SEC14L3: variants seen among roughly 807,000 people sequenced by gnomAD.
SEC14L3 encodes SEC14-like protein 3.
In SEC14L3, 56 loss-of-function variants were observed where a neutral mutation model predicts 57.4. The ratio of observed to expected loss-of-function variants is 0.97; its 90% CI spans 0.79 to 1.22. The LOEUF is 1.22. SEC14L3 is among the 50% of genes most tolerant of loss of function. SEC14L3 has a pLI of 0.00. For missense variants in SEC14L3, 485 were observed against 511.7 expected, an observed-to-expected ratio of 0.95 and a Z score of 0.50; for synonymous variants, 173 against 194.4, an observed-to-expected ratio of 0.89 and a Z score of 0.92.
At chr22:30,454,749 T>TATATATA (rs551460542), downstream of SEC14L3, among the ~76,000 whole-genome samples, 2 of 84,400 alleles carry the variant, frequency 2.4e-5, no homozygotes, top group South Asian at 3.6e-4. Flanking sequence ...ATAATATTAT[T>TATATATA]ATATATAATA....
In SEC14L3 at chr22:30,459,723, A is replaced by C; in HGVS notation, c.*298T>G. ...CAAGCATACACACCTGCCTTAGGGT[A>C]GGTGAGGACAAAGGCTAGGGGATTC... is the stretch of plus-strand genomic sequence containing the variant. On this transcript the variant is annotated 3_prime_UTR_variant, in exon 12 of 12. Transcript: ENST00000215812. 9.3e-7 allele frequency: 1 copy of C among 1,071,872 alleles called. No individual in the cohort carries two copies. 66.4% of individuals were successfully genotyped at this position (1,071,872 alleles called of 1,614,324 possible). A position where few individuals can be genotyped will look rare whatever the true frequency, so the allele number is the denominator to read the frequency against.
exon 13 of SEC14L3, chr22:30,449,204 G>A (rs956464410): frequency 1.2e-5 from 19 of 1,550,316 alleles, no homozygotes; most frequent in Non-Finnish European, 1.6e-5. Context: ...ATATAATCAC[G>A]GGCAGATGAC....
At chr22:30,461,976 ACCCAGTTC>A in intron 9 of SEC14L3, 102 bp downstream of exon 9, 1 of 1,210,480 alleles carries the variant, frequency 8.3e-7, no homozygotes, top group South Asian at 1.3e-5. Flanking sequence ...CTAGCTTAAC[ACCCAGTTC>A]TTGGCATCTC....
chr22:30,460,646 C>A (rs1272788562), intron 11 of SEC14L3, among the ~76,000 whole-genome samples: 1 of 150,988 alleles, frequency 6.6e-6, no homozygotes, highest in African/African-American at 2.4e-5. Context: ...GCAGCCTGAC[C>A]AACATGGAGA....
chr22:30,468,052 G>A (rs371285677), intron 5 of SEC14L3, among the ~76,000 whole-genome samples: 13 of 152,116 alleles, frequency 8.5e-5, no homozygotes, highest in Admixed American at 2.6e-4. Flanking sequence ...AGGCTGAGGC[G>A]GGTGGATCAC....
chr22:30,458,050 T>A (rs1288970078), downstream of SEC14L3, among the ~76,000 whole-genome samples: 1 of 152,228 alleles, frequency 6.6e-6, no homozygotes, highest in African/African-American at 2.4e-5. Context: ...CCTCATAGCC[T>A]GCCCACGGAT....
chr22:30,457,845 G>T (rs1036428648), downstream of SEC14L3, among the ~76,000 whole-genome samples: 1 of 152,146 alleles, frequency 6.6e-6, no homozygotes, highest in Non-Finnish European at 1.5e-5. Context: ...AGTGGTGGGG[G>T]TGAAGAGGTG....
rs771046592 is a variant in SEC14L3 at position 30,467,083 on chromosome 22, AG to A, written c.424-7del. The A allele has an allele frequency of 3.1e-6, 5 of 1,614,038 alleles. No homozygotes were observed. The highest frequency in any genetic ancestry group is 4.2e-6 in the Non-Finnish European group (5 of 1,179,918). On this transcript the variant is annotated splice_polypyrimidine_tract_variant and splice_region_variant and intron_variant, in intron 5 of 11. Transcript: ENST00000215812. ...GTCTCAATCTTCTTCCCTAGCTGCA[AG>A]GATGAGAGCAAGAAGTAGTTCTGGA...
chr22:30,459,361 A>G lies in SEC14L3; in HGVS notation c.*660T>C. On this transcript the variant is annotated 3_prime_UTR_variant, in exon 12 of 12. Coordinates refer to ENST00000215812, the MANE Select transcript of SEC14L3 (RefSeq NM_174975.5). Reference sequence around the variant, plus strand: ...GAAGCTGAGCGTGCAAGTCAGACAAAGCCTGATGTAGGCAGCTCCTATCAG... The same window carrying G: ...GAAGCTGAGCGTGCAAGTCAGACAAGGCCTGATGTAGGCAGCTCCTATCAG... 1 of 985,460 alleles carries G rather than the reference A, an allele frequency of 1.0e-6. No homozygotes were observed. Among genetic ancestry groups the G allele is most frequent in the Non-Finnish European group, 1.2e-6 (1 of 829,936 alleles). The allele number at this position is 985,460 out of a possible 1,614,324, so 61.0% of individuals were successfully genotyped here.
At position 30,460,853 on chromosome 22, in the gene SEC14L3, A is replaced by G. The variant is rs540367562; in HGVS notation, c.1081+457T>C. ...CAAAAAAAAAAAAAAAAAAAAAAAG[A>G]GAAAAAACAGGCATTGTAACTCCTG... On this transcript the variant is annotated intron_variant, in intron 11 of 11. Coordinates refer to ENST00000215812, the MANE Select transcript of SEC14L3 (RefSeq NM_174975.5). Among the ~76,000 whole-genome samples the G allele has an allele frequency of 2.2e-3, 320 of 147,858 alleles. 1 individual carries two copies. Among genetic ancestry groups the G allele is most frequent in the South Asian group, 4.3e-3 (20 of 4,662 alleles).
Position 30,466,188 on chromosome 22 carries a change from C to T in SEC14L3, c.580+146G>A, listed in dbSNP as rs117275358. 4.9e-3 allele frequency: 3,413 copies of T among 697,506 alleles called. 21 individuals are homozygous for T. The highest frequency in any genetic ancestry group is 0.031 in the Middle Eastern group (127 of 4,082). 43.2% of individuals were successfully genotyped at this position (697,506 alleles called of 1,614,324 possible). A position where few individuals can be genotyped will look rare whatever the true frequency, so the allele number is the denominator to read the frequency against. ...GAAGTTACCATTTATTGAGAACTTA[C>T]TCTATGCCAGGCATTCTAAGTGATT... On this transcript the variant is annotated intron_variant, in intron 7 of 11. Transcript: ENST00000215812.
At chr22:30,454,740 TA>T (rs1351049478), downstream of SEC14L3, among the ~76,000 whole-genome samples, 1 of 71,982 alleles carries the variant, frequency 1.4e-5, no homozygotes, top group Non-Finnish European at 2.3e-5. Flanking sequence ...TAATATATAA[TA>T]ATATTATTAT....
Position 30,462,740 on chromosome 22 carries a change from C to CT in SEC14L3, c.665-549dup, listed in dbSNP as rs201844599. Among the ~76,000 whole-genome samples, 368 of 142,494 alleles carry CT rather than the reference C, an allele frequency of 2.6e-3. 1 individual carries two copies. The highest frequency in any genetic ancestry group is 0.019 in the Middle Eastern group (5 of 270). The allele number at this position is 142,494 out of a possible 152,430, so 93.5% of individuals were successfully genotyped here. On this transcript the variant is annotated intron_variant, in intron 8 of 11. Transcript: ENST00000215812. ...CACCATGCCCAGCCTATGGCACATT[C>CT]TTTTTTTTTTTTTTTGAGACGGAGT...
chr22:30,470,360 C>T, intron 2 of SEC14L3, 105 bp from the exon 3 acceptor site: 2 of 1,588,288 alleles, frequency 1.3e-6, no homozygotes, highest in South Asian at 2.3e-5. Context: ...AGACCTTGCT[C>T]CCCTACCCCC....
chr22:30,453,499 A>G (rs995707912), intron 12 of SEC14L3, among the ~76,000 whole-genome samples: 7 of 151,776 alleles, frequency 4.6e-5, no homozygotes, highest in Non-Finnish European at 1.0e-4. Flanking sequence ...TGCAACCTCC[A>G]CCTCCCGAGT....
At chr22:30,458,109 A>T (rs1445576042), downstream of SEC14L3, among the ~76,000 whole-genome samples, 1 of 152,228 alleles carries the variant, frequency 6.6e-6, no homozygotes, top group Non-Finnish European at 1.5e-5. Context: ...TCATGGCACC[A>T]GCCTTTGGTT....
At chr22:30,454,360 G>T (rs1045946097), downstream of SEC14L3, among the ~76,000 whole-genome samples, 1 of 151,746 alleles carries the variant, frequency 6.6e-6, no homozygotes, top group Non-Finnish European at 1.5e-5. Context: ...GCGCAACAGA[G>T]AGACTCTCTT....
exon 13 of SEC14L3, chr22:30,449,059 A>T: frequency 6.5e-7 from 1 of 1,549,294 alleles, no homozygotes; most frequent in Non-Finnish European, 8.7e-7. Flanking sequence ...CCTCTTACAC[A>T]CAGGCCAGTT....
downstream of SEC14L3, among the ~76,000 whole-genome samples, chr22:30,458,806 G>A (rs952127396): frequency 2.6e-5 from 4 of 151,864 alleles, no homozygotes; most frequent in African/African-American, 9.7e-5. Flanking sequence ...GAGGCCAGGA[G>A]CTTGAGACAA....
Sources: allele counts gnomAD v4.1 joint callset (sites outside exome capture counted in the v4.1 genomes callset), GRCh38; gene constraint gnomAD v4.1.1; transcripts MANE v1.5; gene names NCBI Gene and HGNC (gene_info 2026-07-23, HGNC 2026-07-21).